The following RAET1G variants were observed in gnomAD, a reference collection of about 807,000 sequenced individuals.
RAET1G encodes the protein retinoic acid early transcript 1G, also known as UL-16 binding protein 5.
A neutral mutation model predicts 29.5 loss-of-function variants in RAET1G; 25 were observed. The observed-to-expected ratio is 0.85, with a 90% CI of 0.62 to 1.18. RAET1G has a LOEUF of 1.18. Ranked by LOEUF, RAET1G falls within the 50% of genes most tolerant of loss-of-function variation. The pLI is 0.00. For missense variants in RAET1G, 434 were observed against 423.6 expected, an observed-to-expected ratio of 1.02 and a Z score of -0.22; for synonymous variants, 167 against 159.5, an observed-to-expected ratio of 1.05 and a Z score of -0.36.
At chr6:149,917,943 G>A (rs1229339534) in intron 4 of RAET1G, among the ~76,000 whole-genome samples, 1 of 152,206 alleles carries the variant, frequency 6.6e-6, no homozygotes, top group Non-Finnish European at 1.5e-5. Context: ...CTGAGCCTTG[G>A]TATGGCACCA....
At chr6:149,919,499 C>A in intron 2 of RAET1G, 54 bp downstream of exon 2, 1 of 1,613,972 alleles carries the variant, frequency 6.2e-7, no homozygotes, top group Non-Finnish European at 8.5e-7. Flanking sequence ...CTATAAATGC[C>A]TCTAACCTAC....
At chr6:149,918,428 A>G (rs750676089) in intron 3 of RAET1G, 44 bp from the exon 4 acceptor site, 4 of 1,592,178 alleles carry the variant, frequency 2.5e-6, no homozygotes, top group Non-Finnish European at 3.4e-6. Flanking sequence ...CCAGGCCCCA[A>G]ATCTGAGGAG....
Position 149,923,024 on chromosome 6 carries a change from C to A in RAET1G, c.-14G>T. 1 of 1,584,978 alleles carries A rather than the reference C, an allele frequency of 6.3e-7. No homozygotes were observed. The highest frequency in any genetic ancestry group is 1.8e-5 in the Admixed American group (1 of 56,116). On this transcript the variant is annotated 5_prime_UTR_variant, in exon 1 of 5. Coordinates refer to ENST00000367360, the MANE Select transcript of RAET1G (RefSeq NM_001001788.4). ...GGCCGCTGCCATTGGGGAGTTGGAT[C>A]GCAGGGGACAGCAGAAGCGAAGCCC...
chr6:149,922,777 G>T (rs1582803001), intron 1 of RAET1G, 149 bp downstream of exon 1: 3 of 575,010 alleles, frequency 5.2e-6, no homozygotes, highest in Non-Finnish European at 9.0e-6. Flanking sequence ...CGGACCCGGC[G>T]GGAAGGAGAC....
chr6:149,919,354 GCCTTGACAGATATTGAGCCCCCAT>G (rs1778539249), intron 2 of RAET1G, 30 bp from the exon 3 acceptor site: 1 of 1,604,208 alleles, frequency 6.2e-7, no homozygotes, highest in South Asian at 1.1e-5. Flanking sequence ...ATCAGCTCTG[GCCTTGACAGATATTGAGCCCCCAT>G]CCTCTTCCAC....
chr6:149,919,364 A>T, intron 2 of RAET1G, 40 bp from the exon 3 acceptor site: 16 of 1,600,442 alleles, frequency 1.0e-5, no homozygotes, highest in Non-Finnish European at 1.4e-5. Context: ...GCCTTGACAG[A>T]TATTGAGCCC....
At chr6:149,917,877 G>C (rs183451545) in intron 4 of RAET1G, among the ~76,000 whole-genome samples, 107 of 152,234 alleles carry the variant, frequency 7.0e-4, no homozygotes, top group Non-Finnish European at 7.8e-4. Flanking sequence ...TTCCTGAACA[G>C]AAACCTGCTC....
rs1400031151 is a variant in RAET1G at position 149,919,610 on chromosome 6, C to G, written c.292G>C (p.Val98Leu). ...AGCAGTTGCTCTGTAAGTATGTCCA[C>G]CACCTCTCTCAGTACTGGGTTCTGT... Reference protein sequence around the residue: ...KAQNPVLREVVDILTEQLLDI... With the variant: ...KAQNPVLREVLDILTEQLLDI... The change falls in exon 2 of 5, where the codon GTG (valine) becomes CTG (leucine). Residue 98 changes from valine to leucine, a missense_variant. Transcript: ENST00000367360. The G allele has an allele frequency of 4.3e-6, 7 of 1,613,886 alleles. No homozygotes were observed. Among genetic ancestry groups the G allele is most frequent in the East Asian group, 2.2e-5 (1 of 44,902 alleles).
rs1436817956 is a variant in RAET1G at position 149,918,170 on chromosome 6, A to C, written c.842+4T>G. ...TTGCTCCACTCCCAATTCTGCCCCC[A>C]TACCTGTCACTCCAAAGGACTCTCC... On this transcript the variant is annotated splice_donor_region_variant and intron_variant, in intron 4 of 4. Coordinates refer to ENST00000367360, the MANE Select transcript of RAET1G (RefSeq NM_001001788.4). 8.7e-6 allele frequency: 14 copies of C among 1,613,478 alleles called. No individual in the cohort carries two copies. The highest frequency in any genetic ancestry group is 2.7e-5 in the African/African-American group (2 of 74,864).
At chr6:149,921,257 A>G (rs932788624) in intron 1 of RAET1G, among the ~76,000 whole-genome samples, 7 of 152,216 alleles carry the variant, frequency 4.6e-5, no homozygotes, top group African/African-American at 1.7e-4. Flanking sequence ...CTAAGATCCT[A>G]GAGGTGCATG....
At chr6:149,922,203 T>A (rs9383945) in intron 1 of RAET1G, among the ~76,000 whole-genome samples, 21,942 of 148,270 alleles carry the variant, frequency 0.15, 2,083 homozygotes, top group East Asian at 0.54. Flanking sequence ...ACAGGTTCTG[T>A]GGGGAGCTTG....
In RAET1G at chr6:149,916,889, A is replaced by G. The variant is rs1228845147; in HGVS notation, c.*23T>C. ...ACACAAGACAAAGAGACGGAAGAAA[A>G]GACAGCTGGGCCCAGGGAACCATCA... On this transcript the variant is annotated 3_prime_UTR_variant, in exon 5 of 5. Transcript: ENST00000367360. The G allele has an allele frequency of 1.4e-6, 2 of 1,478,432 alleles. No individual in the cohort carries two copies. Among genetic ancestry groups the G allele is most frequent in the East Asian group, 2.5e-5 (1 of 39,474 alleles). 91.6% of individuals were successfully genotyped at this position (1,478,432 alleles called of 1,614,324 possible). A position where few individuals can be genotyped will look rare whatever the true frequency, so the allele number is the denominator to read the frequency against.
chr6:149,918,466 G>T (rs1778506127), intron 3 of RAET1G, 82 bp from the exon 4 acceptor site: 6 of 1,468,986 alleles, frequency 4.1e-6, no homozygotes, highest in Non-Finnish European at 3.8e-6. Context: ...GCTGACCCAG[G>T]TCATCCTGGA....
Position 149,919,730 on chromosome 6 carries a change from C to T in RAET1G, c.172G>A (p.Glu58Lys), listed in dbSNP as rs1452430600. The T allele has an allele frequency of 1.9e-6, 3 of 1,613,562 alleles. No individual in the cohort carries two copies. Among genetic ancestry groups the T allele is most frequent in the Non-Finnish European group, 1.7e-6 (2 of 1,179,870 alleles). Residue 58 changes from glutamate (E) to lysine (K), a missense_variant, in exon 2 of 5, where the codon GAA (glutamate) becomes AAA (lysine). Physicochemically the swap from Glu to Lys is moderately conservative, Grantham distance 56 (BLOSUM62 1). Coordinates refer to ENST00000367360, the MANE Select transcript of RAET1G (RefSeq NM_001001788.4). ...RWCAVQGQVDEKTFLHYDCGS... is the reference protein window; with the variant it reads ...RWCAVQGQVDKKTFLHYDCGS... Reference sequence around the variant, plus strand: ...CAGTCATAGTGAAGAAAAGTCTTTTCATCCACCTGGCCTTGAACCGCACAC... The same window carrying T: ...CAGTCATAGTGAAGAAAAGTCTTTTTATCCACCTGGCCTTGAACCGCACAC...
In RAET1G at chr6:149,922,987, C is replaced by T; in HGVS notation, c.24G>A (p.Ala8=). 2 of 1,604,920 alleles carry T rather than the reference C, an allele frequency of 1.2e-6. No homozygotes were observed. Among genetic ancestry groups the T allele is most frequent in the Non-Finnish European group, 1.7e-6 (2 of 1,176,428 alleles). MAAAASP[A]FLLRLPLLLL... is the part of the protein sequence containing the mutation. Reference sequence around the variant, plus strand: ...GCAGAAGCGGGAGGCGTAGAAGGAACGCGGGGCTGGCGGCCGCTGCCATTG... The same window carrying T: ...GCAGAAGCGGGAGGCGTAGAAGGAATGCGGGGCTGGCGGCCGCTGCCATTG... Residue 8 remains alanine, a synonymous_variant, in exon 1 of 5, where the codon GCG becomes GCA. Transcript: ENST00000367360.
chr6:149,919,199 T>G lies in RAET1G; in HGVS notation c.475A>C (p.Thr159Pro), dbSNP rs757046817. 3 of 1,614,228 alleles carry G rather than the reference T, an allele frequency of 1.9e-6. No homozygotes were observed. Among genetic ancestry groups the G allele is most frequent in the Non-Finnish European group, 1.7e-6 (2 of 1,180,048 alleles). The change falls in exon 3 of 5, where the codon ACA (threonine) becomes CCA (proline). Residue 159 changes from threonine to proline, a missense_variant. Physicochemically the swap from Thr to Pro is conservative, Grantham distance 38 (BLOSUM62 -1). Transcript: ENST00000367360. ...TTTCTGGCTCCAGGATGAACCGTTG[T>G]CCACATTCTGTTTTCTGAGTCAAAG... Reference protein sequence around the residue: ...LLFDSENRMWTTVHPGARKMK... With the variant: ...LLFDSENRMWPTVHPGARKMK...
intron 3 of RAET1G, chr6:149,918,814 T>C (rs1778517692): frequency 1.5e-6 from 1 of 668,804 alleles, no homozygotes; most frequent in African/African-American, 1.8e-5. Context: ...AAATCCACAG[T>C]GTGGGGAACA....
At chr6:149,920,867 C>G (rs1479903556) in intron 1 of RAET1G, among the ~76,000 whole-genome samples, 3 of 152,130 alleles carry the variant, frequency 2.0e-5, no homozygotes, top group Non-Finnish European at 4.4e-5. Flanking sequence ...TTACAAGAAA[C>G]AGAGATAAAA....
Position 149,919,789 on chromosome 6 carries a change from G to A in RAET1G, c.113C>T (p.Thr38Ile), listed in dbSNP as rs56265847. The A allele has an allele frequency of 2.5e-3, 4,094 of 1,612,110 alleles. 72 individuals are homozygous for A. The African/African-American group carries it at 0.048, about 19-fold the overall frequency. The change falls in exon 2 of 5, where the codon ACC becomes ATC. Residue 38 changes from threonine to isoleucine, a missense_variant. Coordinates refer to ENST00000367360, the MANE Select transcript of RAET1G (RefSeq NM_001001788.4). ...TCCAGGTCTGAACTTAGGGATGACGGTGATGTCATAGCAAAGAGAGTGAGG... is the reference window on the plus strand; with the variant it reads ...TCCAGGTCTGAACTTAGGGATGACGATGATGTCATAGCAAAGAGAGTGAGG... Reference protein sequence around the residue: ...ADPHSLCYDITVIPKFRPGPR... With the variant: ...ADPHSLCYDIIVIPKFRPGPR...
Sources: allele counts gnomAD v4.1 joint callset (sites outside exome capture counted in the v4.1 genomes callset), GRCh38; gene constraint gnomAD v4.1.1; transcripts MANE v1.5; gene names NCBI Gene and HGNC (gene_info 2026-07-23, HGNC 2026-07-21).